KHDRBS2: variants seen among roughly 807,000 people sequenced by gnomAD.
KHDRBS2 encodes the protein KH domain-containing, RNA-binding, signal transduction-associated protein 2.
KHDRBS2 carries 26 observed loss-of-function variants against 44.3 expected under a neutral mutation model. The ratio of observed to expected loss-of-function variants is 0.59; its 90% confidence interval spans 0.43 to 0.81. The LOEUF is 0.81. Among genes scored for constraint, KHDRBS2 ranks in the 40% least tolerant of loss-of-function variants. KHDRBS2 has a pLI of 0.00. For missense variants in KHDRBS2, 476 were observed against 433.1 expected (o/e 1.10, Z -0.88); for synonymous variants, 194 against 151.1 (o/e 1.28, Z -2.08).
chr6:62,183,636 C>A (rs1190719849), intron 1 of KHDRBS2, among the ~76,000 whole-genome samples: 3 of 151,522 alleles, frequency 2.0e-5, no homozygotes, highest in Non-Finnish European at 4.4e-5. Context: ...CAAAAATAAT[C>A]TTTTGACACT....
In KHDRBS2 at chr6:61,909,339, G is replaced by C. The variant is rs541917536; in HGVS notation, c.484-7968C>G. ...CCGTCTCAGCCTCCCAAAATGCTGG[G>C]ATTACAGGTATGAGCCACCGTGCCT... On this transcript the variant is annotated intron_variant, in intron 4 of 8. Coordinates refer to ENST00000281156, the MANE Select transcript of KHDRBS2 (RefSeq NM_152688.4). Among the ~76,000 whole-genome samples, 241 of 152,192 alleles carry C rather than the reference G, an allele frequency of 1.6e-3. 1 individual carries two copies. The highest frequency in any genetic ancestry group is 3.2e-3 in the Non-Finnish European group (221 of 68,000).
At chr6:62,023,975 CATT>C (rs1231223375) in intron 3 of KHDRBS2, among the ~76,000 whole-genome samples, 2 of 150,986 alleles carry the variant, frequency 1.3e-5, no homozygotes, top group African/African-American at 2.4e-5. Flanking sequence ...GGAATTATAT[CATT>C]GTTTTCTAAG....
downstream of KHDRBS2, among the ~76,000 whole-genome samples, chr6:61,676,833 T>C (rs998109379): frequency 6.6e-6 from 1 of 151,856 alleles, no homozygotes; most frequent in Non-Finnish European, 1.5e-5. Flanking sequence ...AAGGCCATGC[T>C]AATATTTTAG....
intron 6 of KHDRBS2, among the ~76,000 whole-genome samples, chr6:61,781,398 C>T (rs1367303098): frequency 1.3e-5 from 2 of 152,088 alleles, no homozygotes; most frequent in African/African-American, 4.8e-5. Context: ...CCCAGGCTAA[C>T]CCTTTTCTAG....
chr6:62,096,387 T>A (rs951810209), intron 2 of KHDRBS2, among the ~76,000 whole-genome samples: 35 of 151,936 alleles, frequency 2.3e-4, no homozygotes, highest in Non-Finnish European at 4.6e-4. Flanking sequence ...TTTTTATTTC[T>A]TATTAATTTT....
At chr6:62,124,973 G>T (rs533862865) in intron 2 of KHDRBS2, among the ~76,000 whole-genome samples, 25 of 152,134 alleles carry the variant, frequency 1.6e-4, no homozygotes, top group African/African-American at 5.5e-4. Context: ...GTTTTAATTT[G>T]CATTTCTCTG....
chr6:61,813,714 G>T (rs1255403027), intron 6 of KHDRBS2, among the ~76,000 whole-genome samples: 3 of 152,098 alleles, frequency 2.0e-5, no homozygotes, highest in Non-Finnish European at 4.4e-5. Context: ...TCTACTAGCA[G>T]AACTGCTTTT....
chr6:62,082,224 T>C (rs1165222194), intron 2 of KHDRBS2, among the ~76,000 whole-genome samples: 1 of 151,526 alleles, frequency 6.6e-6, no homozygotes, highest in African/African-American at 2.4e-5. Flanking sequence ...GGAAACAAAA[T>C]GATTAAAGAT....
At chr6:61,640,002 T>C in the KHDRBS2 span, among the ~76,000 whole-genome samples, 1 of 151,962 alleles carries the variant, frequency 6.6e-6, no homozygotes, top group Non-Finnish European at 1.5e-5. Flanking sequence ...TTGAACAAAC[T>C]AACTGTAAAT....
chr6:62,062,100 C>T (rs1241416308), intron 2 of KHDRBS2, among the ~76,000 whole-genome samples: 1 of 149,632 alleles, frequency 6.7e-6, no homozygotes, highest in Non-Finnish European at 1.5e-5. Context: ...TATATGCACC[C>T]AATACAGGAG....
chr6:61,978,240 C>A, intron 3 of KHDRBS2, 28 bp from the exon 4 acceptor site: 2 of 1,563,490 alleles, frequency 1.3e-6, no homozygotes, highest in South Asian at 2.3e-5. Context: ...TTTAGAAATA[C>A]AAATCCACTC....
chr6:61,661,618 G>T, the KHDRBS2 span, among the ~76,000 whole-genome samples: 1 of 151,830 alleles, frequency 6.6e-6, no homozygotes, highest in African/African-American at 2.4e-5. Context: ...CTCCTGAGAG[G>T]TTTTTTAAAT....
At chr6:62,193,105 T>C (rs1824944204) in intron 1 of KHDRBS2, among the ~76,000 whole-genome samples, 1 of 152,128 alleles carries the variant, frequency 6.6e-6, no homozygotes, top group African/African-American at 2.4e-5. Context: ...AGAGATTCCC[T>C]TAAAATATAT....
At chr6:61,957,037 C>T (rs1767526270) in intron 4 of KHDRBS2, among the ~76,000 whole-genome samples, 1 of 152,022 alleles carries the variant, frequency 6.6e-6, no homozygotes, top group Non-Finnish European at 1.5e-5. Flanking sequence ...TTTATTAGTT[C>T]CCCAAATTAA....
At chr6:61,951,954 C>T (rs1326378006) in intron 4 of KHDRBS2, among the ~76,000 whole-genome samples, 2 of 151,910 alleles carry the variant, frequency 1.3e-5, no homozygotes, top group African/African-American at 4.8e-5. Flanking sequence ...CAAAGAAAGC[C>T]ACTCCTTAGA....
intron 2 of KHDRBS2, among the ~76,000 whole-genome samples, chr6:62,101,178 A>C (rs1040403408): frequency 1.3e-5 from 2 of 152,204 alleles, no homozygotes; most frequent in African/African-American, 2.4e-5. Flanking sequence ...AGGCTTGCAC[A>C]ATCAAAATCT....
intron 1 of KHDRBS2, among the ~76,000 whole-genome samples, chr6:62,253,908 C>T (rs997194518): frequency 4.0e-5 from 6 of 151,888 alleles, no homozygotes; most frequent in Non-Finnish European, 7.4e-5. Flanking sequence ...TTACATAGCC[C>T]TGAGGACTGG....
intron 1 of KHDRBS2, among the ~76,000 whole-genome samples, chr6:62,220,702 G>A (rs1356571815): frequency 2.0e-5 from 3 of 151,508 alleles, no homozygotes; most frequent in Non-Finnish European, 3.0e-5. Flanking sequence ...AGAACATAGA[G>A]ATTTATAACA....
At chr6:61,742,937 A>C (rs1451440948) in intron 6 of KHDRBS2, among the ~76,000 whole-genome samples, 1 of 152,070 alleles carries the variant, frequency 6.6e-6, no homozygotes, top group Non-Finnish European at 1.5e-5. Context: ...AAGGCTGGAA[A>C]TTGCATATTT....
Sources: allele counts gnomAD v4.1 joint callset (sites outside exome capture counted in the v4.1 genomes callset), GRCh38; gene constraint gnomAD v4.1.1; transcripts MANE v1.5; gene names NCBI Gene and HGNC (gene_info 2026-07-23, HGNC 2026-07-21).